The following AK5 variants were observed in gnomAD, a reference collection of about 807,000 sequenced individuals.
The protein encoded by AK5 is adenylate kinase isoenzyme 5.
A neutral mutation model predicts 69.5 loss-of-function variants in AK5; 27 were observed. The ratio of observed to expected loss-of-function variants is 0.39; its 90% CI spans 0.29 to 0.54. AK5 has a LOEUF of 0.54. AK5 is among the 20% of genes least tolerant of loss of function. AK5 has a pLI of 0.71. For missense variants in AK5, 531 were observed against 700.4 expected (o/e 0.76, Z 2.73); for synonymous variants, 260 against 244.4 (o/e 1.06, Z -0.60).
intron 8 of AK5, among the ~76,000 whole-genome samples, chr1:77,456,210 G>C (rs866562179): frequency 6.6e-5 from 10 of 152,186 alleles, no homozygotes; most frequent in Non-Finnish European, 1.3e-4. Context: ...TTAGAGAACT[G>C]TAATGATAAG....
intron 8 of AK5, among the ~76,000 whole-genome samples, chr1:77,429,865 G>T (rs980333315): frequency 1.3e-5 from 2 of 152,126 alleles, no homozygotes; most frequent in African/African-American, 4.8e-5. Context: ...TCAAAAAGAG[G>T]AAATAGCAGG....
intron 6 of AK5, among the ~76,000 whole-genome samples, chr1:77,394,222 A>AG (rs1648678980): frequency 6.6e-6 from 1 of 151,952 alleles, no homozygotes; most frequent in Non-Finnish European, 1.5e-5. Flanking sequence ...CTCAAAAAAA[A>AG]AAAAAGAAAA....
At chr1:77,405,249 A>G (rs1222443577) in intron 6 of AK5, among the ~76,000 whole-genome samples, 2 of 152,330 alleles carry the variant, frequency 1.3e-5, no homozygotes, top group South Asian at 4.1e-4. Flanking sequence ...TATCACCACT[A>G]TTGTATAGAT....
intron 6 of AK5, among the ~76,000 whole-genome samples, chr1:77,354,629 T>C (rs1662397733): frequency 6.6e-6 from 1 of 152,248 alleles, no homozygotes; most frequent in South Asian, 2.1e-4. Flanking sequence ...AGAACCTCTT[T>C]AGACTTCATT....
chr1:77,527,797 C>T (rs979424992), intron 12 of AK5, among the ~76,000 whole-genome samples: 23 of 152,162 alleles, frequency 1.5e-4, no homozygotes, highest in African/African-American at 4.6e-4. Flanking sequence ...CGGTGGCTCA[C>T]GCCTGTAATC....
chr1:77,306,559 C>CT (rs1192412598), intron 5 of AK5, among the ~76,000 whole-genome samples: 10 of 82,202 alleles, frequency 1.2e-4, no homozygotes, highest in African/African-American at 3.9e-4. Flanking sequence ...TCTTAGTTTT[C>CT]TTTTTTTTGA....
intron 8 of AK5, among the ~76,000 whole-genome samples, chr1:77,473,992 A>G (rs1654677401): frequency 6.6e-6 from 1 of 152,180 alleles, no homozygotes; most frequent in South Asian, 2.1e-4. Flanking sequence ...GAAGGGGCAG[A>G]ATGTAAACAA....
At chr1:77,295,948 A>C (rs1266256177) in intron 3 of AK5, among the ~76,000 whole-genome samples, 1 of 152,148 alleles carries the variant, frequency 6.6e-6, no homozygotes, top group Non-Finnish European at 1.5e-5. Context: ...CAAAGTTATG[A>C]TTCTTGTTAT....
intron 5 of AK5, among the ~76,000 whole-genome samples, chr1:77,333,171 T>G (rs1661176097): frequency 6.6e-6 from 1 of 152,184 alleles, no homozygotes; most frequent in Admixed American, 6.5e-5. Flanking sequence ...TCCTTTTACC[T>G]TTAGCTTTTT....
intron 6 of AK5, among the ~76,000 whole-genome samples, chr1:77,369,446 T>C (rs1570456318): frequency 1.3e-5 from 2 of 152,322 alleles, no homozygotes; most frequent in South Asian, 2.1e-4. Context: ...TCCCTAATTT[T>C]CTTCTTCAAA....
At chr1:77,555,446 A>T (rs1020567800) in intron 13 of AK5, among the ~76,000 whole-genome samples, 1 of 152,180 alleles carries the variant, frequency 6.6e-6, no homozygotes, top group Non-Finnish European at 1.5e-5. Context: ...TGGTCAGCAT[A>T]GTGTAATGTA....
intron 10 of AK5, among the ~76,000 whole-genome samples, chr1:77,488,579 C>T (rs1045096928): frequency 6.6e-6 from 1 of 152,158 alleles, no homozygotes; most frequent in Non-Finnish European, 1.5e-5. Context: ...TATTAACTTA[C>T]GTGATCACAA....
intron 13 of AK5, among the ~76,000 whole-genome samples, chr1:77,551,837 C>T (rs1659838329): frequency 6.6e-6 from 1 of 152,134 alleles, no homozygotes; most frequent in Admixed American, 6.6e-5. Context: ...ATAGAGGATA[C>T]ATTCTTTTGT....
chr1:77,408,683 T>C (rs140536980), intron 6 of AK5, among the ~76,000 whole-genome samples: 2 of 152,170 alleles, frequency 1.3e-5, no homozygotes. Flanking sequence ...ATTTTAAATA[T>C]GTGCAGTTCA....
At chr1:77,413,608 A>T (rs1422034096) in intron 7 of AK5, among the ~76,000 whole-genome samples, 1 of 152,180 alleles carries the variant, frequency 6.6e-6, no homozygotes, top group Non-Finnish European at 1.5e-5. Context: ...ATCTATAAAG[A>T]GGGGATAATA....
intron 8 of AK5, among the ~76,000 whole-genome samples, chr1:77,468,972 C>G (rs1654306914): frequency 6.6e-6 from 1 of 152,190 alleles, no homozygotes; most frequent in Non-Finnish European, 1.5e-5. Context: ...GAAATTATAG[C>G]AGACAGCCAA....
intron 3 of AK5, among the ~76,000 whole-genome samples, chr1:77,295,644 G>A (rs1387433416): frequency 2.0e-5 from 3 of 149,064 alleles, no homozygotes; most frequent in Non-Finnish European, 4.5e-5. Flanking sequence ...ATTTTATGAT[G>A]AGATTTGTAC....
chr1:77,367,852 A>AT (rs1311169462), intron 6 of AK5, among the ~76,000 whole-genome samples: 430 of 3,422 alleles, frequency 0.13, 185 homozygotes, highest in East Asian at 0.2. Context: ...TATATTATAT[A>AT]TAATATATAA....
chr1:77,306,713 T>G (rs199872279), intron 5 of AK5, among the ~76,000 whole-genome samples: 2 of 152,154 alleles, frequency 1.3e-5, no homozygotes, highest in East Asian at 3.8e-4. Flanking sequence ...AATTCAACAG[T>G]GAAGCCATCT....
Sources: gnomAD v4.1 joint callset for allele counts (sites outside exome capture counted in the v4.1 genomes callset) on GRCh38, gnomAD v4.1.1 for gene constraint, MANE v1.5 for transcripts, NCBI Gene and HGNC (gene_info 2026-07-23, HGNC 2026-07-21) for gene names.